HHAT: variants seen among roughly 807,000 people sequenced by gnomAD.
The protein encoded by HHAT is hedgehog acyltransferase, also known as protein-cysteine N-palmitoyltransferase HHAT.
Under a neutral mutation model 70.8 loss-of-function variants are expected in HHAT, and 47 were observed. The ratio of observed to expected loss-of-function variants is 0.66; its 90% CI spans 0.53 to 0.85. The LOEUF (loss-of-function observed/expected upper bound fraction) is 0.85, where lower values mean the gene tolerates loss of function less well. Among genes scored for constraint, HHAT ranks in the 40% least tolerant of loss-of-function variants. HHAT has a pLI of 0.00. For synonymous variants in HHAT, 228 were observed against 247.6 expected, an observed-to-expected ratio of 0.92 and a Z score of 0.74; for missense variants, 609 against 604.8, an observed-to-expected ratio of 1.01 and a Z score of -0.07.
At chr1:210,622,522 C>T (rs1489930325) in intron 10 of HHAT, among the ~76,000 whole-genome samples, 1 of 152,098 alleles carries the variant, frequency 6.6e-6, no homozygotes, top group Non-Finnish European at 1.5e-5. Context: ...TTATGAAATC[C>T]CTGGGAAAAT....
At chr1:210,597,270 G>C (rs565411340) in intron 10 of HHAT, among the ~76,000 whole-genome samples, 1 of 152,312 alleles carries the variant, frequency 6.6e-6, no homozygotes, top group East Asian at 1.9e-4. Flanking sequence ...ACTGCACTGG[G>C]TCAGACCTGA....
chr1:210,484,566 G>T (rs1176867656), intron 8 of HHAT, among the ~76,000 whole-genome samples: 1 of 150,944 alleles, frequency 6.6e-6, no homozygotes, highest in East Asian at 1.9e-4. Context: ...CAAATACTCT[G>T]CTCTTTGTCA....
At chr1:210,600,314 C>T (rs893255520) in intron 10 of HHAT, among the ~76,000 whole-genome samples, 5 of 152,216 alleles carry the variant, frequency 3.3e-5, no homozygotes, top group Admixed American at 2.0e-4. Flanking sequence ...ACTTCACTCA[C>T]TGAGGGAGTT....
At chr1:210,575,359 G>A (rs529651130) in intron 9 of HHAT, among the ~76,000 whole-genome samples, 21 of 152,234 alleles carry the variant, frequency 1.4e-4, no homozygotes, top group Non-Finnish European at 2.8e-4. Context: ...TTAAACTGAG[G>A]CTTCAAGGAC....
intron 8 of HHAT, among the ~76,000 whole-genome samples, chr1:210,487,076 A>G (rs2094483530): frequency 6.6e-6 from 1 of 152,196 alleles, no homozygotes; most frequent in Non-Finnish European, 1.5e-5. Context: ...AGATGTCCAG[A>G]TCTTGATGCA....
chr1:210,570,684 G>C (rs1656057659), intron 9 of HHAT, among the ~76,000 whole-genome samples: 1 of 152,162 alleles, frequency 6.6e-6, no homozygotes, highest in South Asian at 2.1e-4. Context: ...TTCTAACATA[G>C]AGACTTTTCA....
chr1:210,463,699 A>G (rs1421220914), intron 7 of HHAT, among the ~76,000 whole-genome samples: 1 of 152,146 alleles, frequency 6.6e-6, no homozygotes, highest in Non-Finnish European at 1.5e-5. Context: ...GATCATATGT[A>G]ACTCTGCTTA....
intron 2 of HHAT, among the ~76,000 whole-genome samples, chr1:210,355,440 A>G (rs1422325371): frequency 6.6e-6 from 1 of 152,322 alleles, no homozygotes; most frequent in African/African-American, 2.4e-5. Flanking sequence ...AATTGGCAAT[A>G]AGTGTTGAAT....
intron 9 of HHAT, among the ~76,000 whole-genome samples, chr1:210,536,488 G>A (rs1246071402): frequency 6.6e-6 from 1 of 152,196 alleles, no homozygotes; most frequent in Non-Finnish European, 1.5e-5. Flanking sequence ...TACTGCTTGT[G>A]GACTGAAGAC....
chr1:210,458,116 A>T (rs1172517832), intron 7 of HHAT, among the ~76,000 whole-genome samples: 2 of 152,218 alleles, frequency 1.3e-5, no homozygotes, highest in African/African-American at 4.8e-5. Flanking sequence ...TTTGGAGAAG[A>T]TGCCATTGAT....
At chr1:210,554,385 C>T (rs967228128) in intron 9 of HHAT, among the ~76,000 whole-genome samples, 3 of 152,052 alleles carry the variant, frequency 2.0e-5, no homozygotes, top group Admixed American at 6.6e-5. Flanking sequence ...TGGTGGGATG[C>T]GGTACTCTGA....
At position 210,608,571 on chromosome 1, in the gene HHAT, G is replaced by A. The variant is rs141522150; in HGVS notation, c.1246-14955G>A. Among the ~76,000 whole-genome samples the A allele has an allele frequency of 1.3e-3, 205 of 152,092 alleles. 2 individuals are homozygous for A. The highest frequency in any genetic ancestry group is 4.3e-3 in the African/African-American group (180 of 41,470). On this transcript the variant is annotated intron_variant, in intron 10 of 11. Transcript: ENST00000261458. ...ACTCTTCTGTCTGAATCTTAGAACT[G>A]GTGAAGTTCCCCAAAACTCTGTTTG...
chr1:210,411,857 G>A (rs182286021), intron 6 of HHAT, among the ~76,000 whole-genome samples: 1 of 152,244 alleles, frequency 6.6e-6, no homozygotes, highest in African/African-American at 2.4e-5. Flanking sequence ...CTTAACCTTG[G>A]TGTGAACTCC....
At chr1:210,376,069 C>T (rs1465390671) in intron 3 of HHAT, among the ~76,000 whole-genome samples, 2 of 130,272 alleles carry the variant, frequency 1.5e-5, no homozygotes, top group Non-Finnish European at 3.1e-5. Flanking sequence ...TTTGCCATAT[C>T]GGCCAGGCTG....
intron 9 of HHAT, among the ~76,000 whole-genome samples, chr1:210,529,018 G>T (rs560053762): frequency 6.6e-6 from 1 of 152,268 alleles, no homozygotes; most frequent in South Asian, 2.1e-4. Flanking sequence ...GGGTGTGGTG[G>T]CTAAGGCTGG....
chr1:210,354,377 G>A (rs994614291), intron 2 of HHAT, among the ~76,000 whole-genome samples: 1 of 151,626 alleles, frequency 6.6e-6, no homozygotes, highest in African/African-American at 2.4e-5. Context: ...GCTAATTTTT[G>A]TATTTTTAGT....
intron 6 of HHAT, 84 bp downstream of exon 6, chr1:210,404,763 G>T (rs1182254587): frequency 1.1e-5 from 12 of 1,115,028 alleles, no homozygotes; most frequent in Non-Finnish European, 1.6e-5. Context: ...CTCTTGAGTC[G>T]TTTTGTTCAG....
At chr1:210,387,376 C>G (rs959265080) in intron 3 of HHAT, 92 bp from the exon 4 acceptor site, 6 of 1,041,822 alleles carry the variant, frequency 5.8e-6, no homozygotes, top group South Asian at 1.3e-5. Context: ...TGGACTCACA[C>G]TGGCCTTCTT....
At chr1:210,455,021 G>A (rs2093834052) in intron 7 of HHAT, among the ~76,000 whole-genome samples, 1 of 151,918 alleles carries the variant, frequency 6.6e-6, no homozygotes, top group African/African-American at 2.4e-5. Context: ...CAGATCACTG[G>A]CTCCTCTCAT....
Sources: gnomAD v4.1 joint callset for allele counts (sites outside exome capture counted in the v4.1 genomes callset) on GRCh38, gnomAD v4.1.1 for gene constraint, MANE v1.5 for transcripts, NCBI Gene and HGNC (gene_info 2026-07-23, HGNC 2026-07-21) for gene names.